The following KMT2A variants were observed in gnomAD, a reference collection of about 807,000 sequenced individuals.
KMT2A encodes the protein lysine methyltransferase 2A.
Under a neutral mutation model 345.3 loss-of-function variants are expected in KMT2A, and 16 were observed. The observed-to-expected ratio is 0.05, with a 90% CI of 0.03 to 0.07. The LOEUF (loss-of-function observed/expected upper bound fraction) is 0.07, where lower values mean the gene tolerates loss of function less well. Ranked by LOEUF, KMT2A falls within the 10% of genes least tolerant of loss-of-function variation. The pLI, the probability that KMT2A is intolerant of heterozygous loss-of-function variation, is 1.00. For synonymous variants in KMT2A, 1,599 were observed against 1,778.6 expected (o/e 0.90, Z 2.54); for missense variants, 3,272 against 4,841.6 (o/e 0.68, Z 9.62).
In KMT2A at chr11:118,521,261, C is replaced by G. The variant is rs1555053462; in HGVS notation, c.11514-27C>G. ...TTAACCTTACTTGCAAAATTTGTGT[C>G]TGACCTCTTTTCCATCTTTGTCCTA... is the stretch of plus-strand genomic sequence containing the variant. On this transcript the variant is annotated intron_variant, in intron 34 of 35. Transcript: ENST00000534358. The surrounding 1 kb of genome is among the most constrained non-coding windows in gnomAD (Gnocchi z 5.3). 14 of 1,611,178 alleles carry G rather than the reference C, an allele frequency of 8.7e-6. No homozygotes were observed. Among genetic ancestry groups the G allele is most frequent in the Non-Finnish European group, 1.1e-5 (13 of 1,177,912 alleles).
intron 1 of KMT2A, among the ~76,000 whole-genome samples, chr11:118,466,352 TCA>T (rs1397478188): frequency 1.3e-5 from 2 of 152,126 alleles, no homozygotes; most frequent in African/African-American, 4.8e-5. Flanking sequence ...CTGTAAAGAC[TCA>T]CTATGTTGCC....
Position 118,505,998 on chromosome 11 carries a change from A to G in KMT2A, c.10106A>G (p.Asn3369Ser). ...GTTCCAGGACACGTCACCTTAACCA[A>G]CCCAAGGTTGCTTGGTACCCCAGAT... is the stretch of plus-strand genomic sequence containing the variant. The part of the protein sequence containing the change: ...ASVPGHVTLT[N>S]PRLLGTPDIG... The change falls in exon 27 of 36, where the codon AAC becomes AGC. Residue 3369 changes from asparagine to serine, a missense_variant. This residue lies in a region of KMT2A where 748 missense variants were observed against 922.2 expected (regional missense o/e 0.81). Coordinates refer to ENST00000534358, the MANE Select transcript of KMT2A (RefSeq NM_001197104.2). The surrounding 1 kb of genome is among the most constrained non-coding windows in gnomAD (Gnocchi z 4.6). 6.2e-7 allele frequency: 1 copy of G among 1,614,084 alleles called. No individual in the cohort carries two copies. Among genetic ancestry groups the G allele is most frequent in the South Asian group, 1.1e-5 (1 of 91,082 alleles).
In KMT2A at chr11:118,493,894, G is replaced by A. The variant is rs904711238; in HGVS notation, c.5179-394G>A. On this transcript the variant is annotated intron_variant, in intron 16 of 35. Transcript: ENST00000534358. This position sits in a 1 kb window ranked among gnomAD's most constrained non-coding sequence, Gnocchi z 5.8. The stretch of plus-strand genomic sequence containing the variant: ...GCCTGGCTAATTTTGTATTTTTGGC[G>A]GAGATTGGGTTTCACCATGTTGGCT... 1.3e-4 allele frequency among the ~76,000 whole-genome samples: 19 copies of A among 151,944 alleles called. No individual in the cohort carries two copies. Among genetic ancestry groups the A allele is most frequent in the Non-Finnish European group, 1.8e-4 (12 of 68,002 alleles).
chr11:118,500,707 C>T, intron 24 of KMT2A: 1 of 257,468 alleles, frequency 3.9e-6, no homozygotes, highest in Non-Finnish European at 7.4e-6. Flanking sequence ...TAATATTTTT[C>T]TTTCTCTTGC....
intron 30 of KMT2A, among the ~76,000 whole-genome samples, chr11:118,511,066 G>A (rs1950677829): frequency 6.6e-6 from 1 of 152,178 alleles, no homozygotes; most frequent in African/African-American, 2.4e-5. Context: ...AGGGCTTTCA[G>A]TGCCAAACCT....
At chr11:118,465,102 T>C (rs1949818381) in intron 1 of KMT2A, among the ~76,000 whole-genome samples, 1 of 152,142 alleles carries the variant, frequency 6.6e-6, no homozygotes. Context: ...TGTTTCCCAA[T>C]CTTAAAAATC....
chr11:118,437,803 G>A (rs1250104055), intron 1 of KMT2A, among the ~76,000 whole-genome samples: 1 of 151,922 alleles, frequency 6.6e-6, no homozygotes, highest in East Asian at 1.9e-4. Context: ...GGGGAAAATA[G>A]TCCACTGTCC....
At chr11:118,485,789 C>T (rs1591389898) in intron 10 of KMT2A, among the ~76,000 whole-genome samples, 1 of 152,132 alleles carries the variant, frequency 6.6e-6, no homozygotes, top group African/African-American at 2.4e-5. Context: ...TTAAAATAAG[C>T]ATAGGGCATA....
chr11:118,471,045 A>G (rs1949934038), intron 2 of KMT2A, among the ~76,000 whole-genome samples: 1 of 152,246 alleles, frequency 6.6e-6, no homozygotes, highest in Non-Finnish European at 1.5e-5. Flanking sequence ...TTCACTGATT[A>G]GTTCACATGC....
chr11:118,507,600 A>C lies in KMT2A; in HGVS notation c.10826A>C (p.Gln3609Pro). Residue 3609 changes from glutamine (Q) to proline (P), a missense_variant, in exon 28 of 36, where the codon CAA becomes CCA. By Grantham distance (76) the Gln-to-Pro change is moderately conservative (BLOSUM62 -1). Transcript: ENST00000534358. ...CAGTCCTCCCAGAAGGAGTGTGGGC[A>C]ACCTGCAGGGTAAGCTGAAGAATTC... ...VEQSSQKECG[Q>P]PAGQVAVLPE... 1 of 1,613,332 alleles carries C rather than the reference A, an allele frequency of 6.2e-7. No homozygotes were observed. The highest frequency in any genetic ancestry group is 8.5e-7 in the Non-Finnish European group (1 of 1,179,246).
At chr11:118,499,600 T>C (rs1490339580) in intron 23 of KMT2A, among the ~76,000 whole-genome samples, 180 bp downstream of exon 23, 1 of 146,040 alleles carries the variant, frequency 6.8e-6, no homozygotes, top group African/African-American at 2.8e-5. Flanking sequence ...GCCTGGCCAA[T>C]GTGGTGAAAC....
Position 118,520,468 on chromosome 11 carries a change from T to C in KMT2A, c.11430-334T>C. On this transcript the variant is annotated intron_variant, in intron 33 of 35. Transcript: ENST00000534358. The surrounding 1 kb of genome is among the most constrained non-coding windows in gnomAD (Gnocchi z 4.3). ...GAGTTCGAGACCAGCCTGACCAACA[T>C]AGTGAAACCCTATCTCTACTAAAAA... is the stretch of plus-strand genomic sequence containing the variant. 1 of 342,744 alleles carries C rather than the reference T, an allele frequency of 2.9e-6. No individual in the cohort carries two copies. Among genetic ancestry groups the C allele is most frequent in the South Asian group, 4.1e-5 (1 of 24,432 alleles). 21.2% of individuals were successfully genotyped at this position (342,744 alleles called of 1,614,324 possible).
rs1555046621 is a variant in KMT2A, at chr11:118,503,393, C to G, written c.7501C>G (p.Pro2501Ala). 1 of 1,613,894 alleles carries G rather than the reference C, an allele frequency of 6.2e-7. No individual in the cohort carries two copies. Among genetic ancestry groups the G allele is most frequent in the Non-Finnish European group, 8.5e-7 (1 of 1,179,966 alleles). The change falls in exon 27 of 36, where the codon CCC becomes GCC. Residue 2501 changes from proline (P) to alanine (A), a missense_variant. By Grantham distance (27) the Pro-to-Ala change is conservative. Around this residue, in one of 27 missense-constraint regions of KMT2A, gnomAD observed 445 missense variants for 500.9 expected, o/e 0.89. Coordinates refer to ENST00000534358, the MANE Select transcript of KMT2A (RefSeq NM_001197104.2). This position sits in a 1 kb window ranked among gnomAD's most constrained non-coding sequence, Gnocchi z 5.3. ...TAAAGGCCTTTCTATGCCAGGAGTC[C>G]CCAAAGCTCCACCCATGCAAGTAGA... The part of the protein sequence containing the change: ...GDKGLSMPGV[P>A]KAPPMQVEGS...
chr11:118,509,310 C>G (rs2134428513), intron 29 of KMT2A, 110 bp downstream of exon 29: 1 of 910,498 alleles, frequency 1.1e-6, no homozygotes, highest in South Asian at 1.7e-5. Context: ...AAAATCTAAG[C>G]TCCAAAGAAG....
At chr11:118,439,007 A>C (rs782799419) in intron 1 of KMT2A, 4 of 495,066 alleles carry the variant, frequency 8.1e-6, no homozygotes, top group Non-Finnish European at 1.6e-5. Context: ...TGAAAGGCCA[A>C]TTCTGTATTT....
At position 118,499,418 on chromosome 11, in the gene KMT2A, T is replaced by C. The variant is rs1950463043; in HGVS notation, c.6077T>C (p.Ile2026Thr). ...GLEPENIHMM[I>T]GSMTIDCLGI... The stretch of plus-strand genomic sequence containing the variant: ...GAACCAGAAAATATCCACATGATGA[T>C]TGGTATGACCTAGCCTTGGTTATTG... The change falls in exon 23 of 36, where the codon ATT (isoleucine) becomes ACT (threonine). Residue 2026 changes from isoleucine to threonine, a missense_variant and splice_region_variant. Around this residue, in one of 27 missense-constraint regions of KMT2A, gnomAD observed 235 missense variants for 503.4 expected, o/e 0.47. Coordinates refer to ENST00000534358, the MANE Select transcript of KMT2A (RefSeq NM_001197104.2). 2 of 1,555,338 alleles carry C rather than the reference T, an allele frequency of 1.3e-6. No homozygotes were observed. Among genetic ancestry groups the C allele is most frequent in the Non-Finnish European group, 1.8e-6 (2 of 1,132,968 alleles).
chr11:118,448,860 T>C (rs1949473717), intron 1 of KMT2A: 1 of 152,194 alleles, frequency 6.6e-6, no homozygotes, highest in Non-Finnish European at 1.5e-5. Context: ...TCCTTAATTA[T>C]AAAGTTGGAT....
chr11:118,522,086 T>C lies in KMT2A; in HGVS notation c.11833T>C (p.Tyr3945His). ...RKIYRGEELT[Y>H]DYKFPIEDAS... ...GATCTACCGAGGAGAGGAACTCACTTACGACTATAAGTTCCCCATTGAGGA... is the reference window on the plus strand; with the variant it reads ...GATCTACCGAGGAGAGGAACTCACTCACGACTATAAGTTCCCCATTGAGGA... Residue 3945 changes from tyrosine (Y) to histidine (H), a missense_variant, in exon 36 of 36, where the codon TAC (tyrosine) becomes CAC (histidine). Physicochemically the swap from Tyr to His is moderately conservative, Grantham distance 83 (BLOSUM62 2). Coordinates refer to ENST00000534358, the MANE Select transcript of KMT2A (RefSeq NM_001197104.2). This position sits in a 1 kb window ranked among gnomAD's most constrained non-coding sequence, Gnocchi z 5.4. 1 of 1,614,198 alleles carries C rather than the reference T, an allele frequency of 6.2e-7. No homozygotes were observed.
rs1555040052 is a variant in KMT2A, at chr11:118,483,606, GC to G, written c.4087-573del. 3.3e-5 allele frequency among the ~76,000 whole-genome samples: 5 copies of G among 151,994 alleles called. No individual in the cohort carries two copies. The South Asian group carries it at 1.0e-3, about 32-fold the overall frequency. On this transcript the variant is annotated intron_variant, in intron 8 of 35. Transcript: ENST00000534358. ...CCTTGTTGCTTTTCCCTTCTTTGTG[GC>G]CCCACATGTTCTAGCCTAGGAATCT... is the stretch of plus-strand genomic sequence containing the variant.
Sources: allele counts gnomAD v4.1 joint callset (sites outside exome capture counted in the v4.1 genomes callset), GRCh38; gene constraint gnomAD v4.1.1; regional missense constraint gnomAD v4.1.1; non-coding constraint Gnocchi (gnomAD v3.1); transcripts MANE v1.5; gene names NCBI Gene and HGNC (gene_info 2026-07-23, HGNC 2026-07-21).